Variants in MGST1 observed in about 807,000 individuals in gnomAD.
MGST1 encodes glutathione S-transferase 12.
A neutral mutation model predicts 8.9 loss-of-function variants in MGST1; 5 were observed. The ratio of observed to expected loss-of-function variants is 0.56; its 90% CI spans 0.29 to 1.19. The LOEUF (loss-of-function observed/expected upper bound fraction) is 1.19. Among genes scored for constraint, MGST1 ranks in the 50% most tolerant of loss-of-function variants. The probability of loss-of-function intolerance (pLI) is 0.08; values close to 1 mark genes in which losing one functional copy is unlikely to be tolerated. For missense variants in MGST1, 182 were observed against 187.4 expected (o/e 0.97, Z 0.17); for synonymous variants, 54 against 67.8 (o/e 0.80, Z 1.00).
chr12:16,499,256 T>A (rs1031864855), intron 4 of MGST1, among the ~76,000 whole-genome samples: 4 of 152,244 alleles, frequency 2.6e-5, no homozygotes, highest in African/African-American at 9.6e-5. Context: ...TCACTTCGAA[T>A]AGCTATTTGC....
intron 4 of MGST1, among the ~76,000 whole-genome samples, chr12:16,519,219 A>G (rs1941633494): frequency 6.6e-6 from 1 of 152,200 alleles, no homozygotes. Context: ...AAGCATGTAA[A>G]TATTATGCAT....
chr12:16,403,806 A>G (rs1940678857), intron 1 of MGST1, among the ~76,000 whole-genome samples: 1 of 152,100 alleles, frequency 6.6e-6, no homozygotes, highest in Admixed American at 6.5e-5. Context: ...GCGAAGGAAG[A>G]AGAGCCCCTT....
chr12:16,450,448 A>G (rs1016097225), intron 4 of MGST1, among the ~76,000 whole-genome samples: 1 of 151,956 alleles, frequency 6.6e-6, no homozygotes, highest in African/African-American at 2.4e-5. Context: ...TTGATGACTG[A>G]AACAAAGGAA....
chr12:16,457,947 A>C (rs1004287935), intron 4 of MGST1, among the ~76,000 whole-genome samples: 2 of 151,902 alleles, frequency 1.3e-5, no homozygotes, highest in Non-Finnish European at 2.9e-5. Flanking sequence ...AATTGGTTAC[A>C]TTTTTCAGTT....
rs2302690 is a variant in MGST1, at chr12:16,560,611, T to C, written n.483-28917T>C. ...TCTGAGATCGTGAAGAGAGATGATG[T>C]TAATATACTCTGTAAAGCTACAATA... is the stretch of plus-strand genomic sequence containing the variant. On this transcript the variant is annotated intron_variant and non_coding_transcript_variant, in intron 4 of 4. Coordinates refer to the MGST1 transcript ENST00000538857. This position sits in a 1 kb window ranked among gnomAD's most constrained non-coding sequence, Gnocchi z 5.0. The C allele has an allele frequency of 0.37, 491,531 of 1,345,566 alleles. 91,043 individuals carry two copies. The highest frequency in any genetic ancestry group is 0.49 in the African/African-American group (33,593 of 68,902). 83.4% of individuals were successfully genotyped at this position (1,345,566 alleles called of 1,614,324 possible).
chr12:16,425,338 A>G (rs1004242224), intron 1 of MGST1, among the ~76,000 whole-genome samples: 3 of 152,138 alleles, frequency 2.0e-5, no homozygotes, highest in Admixed American at 6.5e-5. Flanking sequence ...GTTGGAGTGC[A>G]ATGGCATGAT....
chr12:16,437,975 C>G (rs1941003411), exon 2 of MGST1: 1 of 151,936 alleles, frequency 6.6e-6, no homozygotes, highest in East Asian at 1.9e-4. Context: ...GAATAGTTGG[C>G]ATGCCTAGGC....
intron 4 of MGST1, among the ~76,000 whole-genome samples, chr12:16,527,384 A>G (rs759731365): frequency 1.3e-5 from 2 of 152,040 alleles, no homozygotes; most frequent in Non-Finnish European, 2.9e-5. Flanking sequence ...TATGTCTTAC[A>G]CTAACATCAT....
At position 16,517,607 on chromosome 12, in the gene MGST1, T is replaced by G. The variant is rs1183252512; in HGVS notation, n.483-71921T>G. Among the ~76,000 whole-genome samples the G allele has an allele frequency of 6.6e-6, 1 of 152,200 alleles. No individual in the cohort carries two copies. The highest frequency in any genetic ancestry group is 6.5e-5 in the Admixed American group (1 of 15,284). On this transcript the variant is annotated intron_variant and non_coding_transcript_variant, in intron 4 of 4. Coordinates refer to the MGST1 transcript ENST00000538857. This position sits in a 1 kb window ranked among gnomAD's most constrained non-coding sequence, Gnocchi z 4.2. ...AGGTATCAGTAATATTTTGTTATAGTAGCACAAAATGAACCAAGACAGCAG... is the reference window on the plus strand; with the variant it reads ...AGGTATCAGTAATATTTTGTTATAGGAGCACAAAATGAACCAAGACAGCAG...
intron 4 of MGST1, among the ~76,000 whole-genome samples, chr12:16,456,440 C>T (rs1941173169): frequency 6.6e-6 from 1 of 151,796 alleles, no homozygotes; most frequent in Admixed American, 6.6e-5. Context: ...TTTAAAATAG[C>T]TATATCATTA....
At chr12:16,395,234 A>C (rs2137056697) in intron 1 of MGST1, among the ~76,000 whole-genome samples, 1 of 152,126 alleles carries the variant, frequency 6.6e-6, no homozygotes, top group East Asian at 1.9e-4. Context: ...CAATTTTCTC[A>C]TCACCATTTA....
At chr12:16,399,444 T>G in intron 1 of MGST1, 1 of 1,546,162 alleles carries the variant, frequency 6.5e-7, no homozygotes, top group South Asian at 1.1e-5. Context: ...TTTTCGGGCT[T>G]CTTCCTCCAG....
chr12:16,426,930 C>T (rs117366955), intron 1 of MGST1, among the ~76,000 whole-genome samples: 4,513 of 145,454 alleles, frequency 0.031, 97 homozygotes, highest in Non-Finnish European at 0.048. Context: ...GAGATCACAC[C>T]ACTGCCTCCA....
intron 4 of MGST1, among the ~76,000 whole-genome samples, chr12:16,588,268 G>A (rs1943382896): frequency 6.6e-6 from 1 of 151,614 alleles, no homozygotes; most frequent in Non-Finnish European, 1.5e-5. Context: ...ACAAATTGAA[G>A]GTGTGCACTC....
intron 1 of MGST1, among the ~76,000 whole-genome samples, chr12:16,397,662 G>A (rs947085426): frequency 6.6e-6 from 1 of 151,734 alleles, no homozygotes; most frequent in African/African-American, 2.4e-5. Context: ...TACACGAATG[G>A]CCAACAAACA....
intron 4 of MGST1, among the ~76,000 whole-genome samples, chr12:16,541,532 C>T (rs1941793166): frequency 6.6e-6 from 1 of 152,134 alleles, no homozygotes; most frequent in African/African-American, 2.4e-5. Context: ...AAGCCTTCCC[C>T]ACTAACCATA....
At chr12:16,364,698 G>C (rs1306993697), downstream of MGST1, among the ~76,000 whole-genome samples, 1 of 151,964 alleles carries the variant, frequency 6.6e-6, no homozygotes, top group East Asian at 1.9e-4. The surrounding 1 kb of genome is among the most constrained non-coding windows in gnomAD (Gnocchi z 5.7). Flanking sequence ...AAGACACTTA[G>C]TATTAATATA....
chr12:16,515,943 G>T (rs12579061), intron 4 of MGST1, among the ~76,000 whole-genome samples: 212 of 152,294 alleles, frequency 1.4e-3, no homozygotes, highest in East Asian at 0.013. Context: ...CCATTGGAAA[G>T]AACCACCATC....
intron 1 of MGST1, among the ~76,000 whole-genome samples, chr12:16,407,614 A>G (rs545195166): frequency 2.6e-5 from 4 of 152,334 alleles, no homozygotes; most frequent in African/African-American, 9.6e-5. Context: ...ACATGCATGC[A>G]TATGTTCACT....
Sources: gnomAD v4.1 joint callset for allele counts (sites outside exome capture counted in the v4.1 genomes callset) on GRCh38, gnomAD v4.1.1 for gene constraint, Gnocchi (gnomAD v3.1) non-coding constraint, MANE v1.5 for transcripts, NCBI Gene and HGNC (gene_info 2026-07-23, HGNC 2026-07-21) for gene names.